SNX9: variants seen among roughly 807,000 people sequenced by gnomAD.
The protein encoded by SNX9 is sorting nexin-9.
SNX9 carries 44 observed loss-of-function variants against 89.4 expected under a neutral mutation model. The ratio of observed to expected loss-of-function variants is 0.49; its 90% CI spans 0.39 to 0.63. The LOEUF is 0.63. Among genes scored for constraint, SNX9 ranks in the 30% least tolerant of loss-of-function variants. The probability of loss-of-function intolerance (pLI) is 0.00; values close to 1 mark genes in which losing one functional copy is unlikely to be tolerated. For missense variants in SNX9, 578 were observed against 736.1 expected, an observed-to-expected ratio of 0.79 and a Z score of 2.49; for synonymous variants, 236 against 247.8, an observed-to-expected ratio of 0.95 and a Z score of 0.45.
At chr6:157,921,478 C>T in intron 9 of SNX9, 53 bp from the exon 10 acceptor site, 2 of 1,583,216 alleles carry the variant, frequency 1.3e-6, no homozygotes, top group Non-Finnish European at 1.7e-6. Flanking sequence ...AGTATGGTAA[C>T]AGTCATTCAT....
At chr6:157,839,437 A>C (rs965908248) in intron 1 of SNX9, among the ~76,000 whole-genome samples, 1 of 152,202 alleles carries the variant, frequency 6.6e-6, no homozygotes, top group Non-Finnish European at 1.5e-5. Flanking sequence ...TATAGCATAG[A>C]GATTAGGAGC....
chr6:157,859,457 A>G (rs76502607), intron 1 of SNX9, among the ~76,000 whole-genome samples: 4,525 of 152,242 alleles, frequency 0.03, 170 homozygotes, highest in African/African-American at 0.084. Flanking sequence ...TTCCATTTTG[A>G]CAGCATAGCC....
intron 4 of SNX9, among the ~76,000 whole-genome samples, chr6:157,878,146 G>A (rs982387891): frequency 6.6e-6 from 1 of 152,190 alleles, no homozygotes; most frequent in Admixed American, 6.5e-5. Context: ...GTAGTCTCAG[G>A]TGAGCAGAGT....
intron 9 of SNX9, among the ~76,000 whole-genome samples, chr6:157,918,344 T>G (rs1397942924): frequency 6.6e-6 from 1 of 152,196 alleles, no homozygotes; most frequent in Non-Finnish European, 1.5e-5. Flanking sequence ...ACCTCTTATA[T>G]CATGAGGTGT....
intron 7 of SNX9, 122 bp from the exon 8 acceptor site, chr6:157,909,543 G>A: frequency 8.7e-7 from 1 of 1,143,280 alleles, no homozygotes; most frequent in East Asian, 2.4e-5. Flanking sequence ...CTTTCAAAGA[G>A]GAACAAGAAT....
intron 2 of SNX9, among the ~76,000 whole-genome samples, chr6:157,869,189 T>A (rs1371337884): frequency 6.6e-6 from 1 of 152,170 alleles, no homozygotes. Context: ...CTTGTGTCCC[T>A]CCCCTCTCTG....
Position 157,888,009 on chromosome 6 carries a change from G to A in SNX9, c.301-8818G>A, listed in dbSNP as rs117734348. Among the ~76,000 whole-genome samples, 1,112 of 152,292 alleles carry A rather than the reference G, an allele frequency of 7.3e-3. 7 individuals carry two copies. Among genetic ancestry groups the A allele is most frequent in the Non-Finnish European group, 0.012 (847 of 68,016 alleles). On this transcript the variant is annotated intron_variant, in intron 4 of 17. Coordinates refer to ENST00000392185, the MANE Select transcript of SNX9 (RefSeq NM_016224.5). Reference sequence around the variant, plus strand: ...ATCAGTCAGTTACCTCTTCTCACAAGATGCTGTATTGTAGGCCAGTTAGAC... The same window carrying A: ...ATCAGTCAGTTACCTCTTCTCACAAAATGCTGTATTGTAGGCCAGTTAGAC...
intron 12 of SNX9, among the ~76,000 whole-genome samples, chr6:157,931,778 T>C (rs1336996792): frequency 2.0e-5 from 3 of 152,240 alleles, no homozygotes; most frequent in African/African-American, 7.2e-5. Context: ...TTATTAGCCA[T>C]GTGACCTTGG....
chr6:157,929,143 G>A (rs922622313), intron 12 of SNX9, among the ~76,000 whole-genome samples: 4 of 152,178 alleles, frequency 2.6e-5, no homozygotes, highest in Non-Finnish European at 5.9e-5. Flanking sequence ...AAGCACTGCC[G>A]AGGGGAGAGT....
intron 10 of SNX9, among the ~76,000 whole-genome samples, chr6:157,923,533 T>G (rs1008157608): frequency 6.6e-6 from 1 of 152,090 alleles, no homozygotes; most frequent in African/African-American, 2.4e-5. Context: ...CTATGAAACA[T>G]TATTGAGAAA....
intron 16 of SNX9, among the ~76,000 whole-genome samples, chr6:157,940,097 G>A (rs7742187): frequency 0.11 from 16,869 of 152,254 alleles, 1,079 homozygotes; most frequent in African/African-American, 0.16. Flanking sequence ...GGGGCAGCAA[G>A]GCTTCCCGTA....
intron 1 of SNX9, among the ~76,000 whole-genome samples, chr6:157,828,765 A>G (rs1781429246): frequency 2.0e-5 from 3 of 152,106 alleles, no homozygotes; most frequent in African/African-American, 7.2e-5. Flanking sequence ...TTGAGACACT[A>G]CGCCTGGCCA....
intron 5 of SNX9, among the ~76,000 whole-genome samples, chr6:157,901,223 A>G (rs1488549996): frequency 6.6e-6 from 1 of 152,190 alleles, no homozygotes; most frequent in Non-Finnish European, 1.5e-5. Flanking sequence ...ATTTACAATA[A>G]TCAGGAGCAT....
At chr6:157,904,359 G>A (rs1211082134) in intron 6 of SNX9, among the ~76,000 whole-genome samples, 3 of 152,056 alleles carry the variant, frequency 2.0e-5, no homozygotes, top group Non-Finnish European at 2.9e-5. Flanking sequence ...GCTTGAACCC[G>A]GGAGACGGAG....
intron 4 of SNX9, among the ~76,000 whole-genome samples, chr6:157,879,331 G>T (rs1436121727): frequency 2.0e-5 from 3 of 152,140 alleles, no homozygotes; most frequent in East Asian, 1.9e-4. Context: ...GGAGAGTGAG[G>T]GTAGATTTAG....
chr6:157,920,548 A>G (rs1783562841), intron 9 of SNX9, among the ~76,000 whole-genome samples: 1 of 152,094 alleles, frequency 6.6e-6, no homozygotes, highest in African/African-American at 2.4e-5. Flanking sequence ...GCCTCCCACC[A>G]CCACAGATTT....
intron 10 of SNX9, among the ~76,000 whole-genome samples, chr6:157,925,134 T>C (rs1467392387): frequency 6.6e-6 from 1 of 152,130 alleles, no homozygotes; most frequent in Non-Finnish European, 1.5e-5. Flanking sequence ...ATATAAGCAA[T>C]GAAGGGCTAG....
chr6:157,873,391 A>G (rs1209486805), intron 3 of SNX9, among the ~76,000 whole-genome samples: 1 of 150,400 alleles, frequency 6.6e-6, no homozygotes, highest in East Asian at 1.9e-4. Context: ...GACTACAGAT[A>G]TTTAGGTTAA....
intron 1 of SNX9, among the ~76,000 whole-genome samples, chr6:157,838,924 G>A (rs575677312): frequency 6.6e-6 from 1 of 152,338 alleles, no homozygotes; most frequent in South Asian, 2.1e-4. Flanking sequence ...TGTGGCCGAG[G>A]ACATAGCGTC....
Sources: allele counts gnomAD v4.1 joint callset (sites outside exome capture counted in the v4.1 genomes callset), GRCh38; gene constraint gnomAD v4.1.1; transcripts MANE v1.5; gene names NCBI Gene and HGNC (gene_info 2026-07-23, HGNC 2026-07-21).